Variants in ME1 observed in about 807,000 individuals in gnomAD.
ME1 encodes the protein malic enzyme 1.
A neutral mutation model predicts 66.4 loss-of-function variants in ME1; 74 were observed. That is an observed-to-expected ratio of 1.11 (90% confidence interval 0.92 to 1.35). ME1 has a LOEUF of 1.35. Among genes scored for constraint, ME1 ranks in the 40% most tolerant of loss-of-function variants. The pLI, the probability that ME1 is intolerant of heterozygous loss-of-function variation, is 0.00. For synonymous variants in ME1, 251 were observed against 235.6 expected (o/e 1.07, Z -0.60); for missense variants, 750 against 694.1 (o/e 1.08, Z -0.90).
intron 7 of ME1, among the ~76,000 whole-genome samples, chr6:83,245,609 T>C (rs755678134): frequency 4.6e-5 from 7 of 152,150 alleles, no homozygotes; most frequent in African/African-American, 7.2e-5. Flanking sequence ...GGTTTCTCCA[T>C]GTTGGTCAGG....
intron 3 of ME1, among the ~76,000 whole-genome samples, chr6:83,363,250 G>C (rs1195507881): frequency 6.6e-6 from 1 of 152,154 alleles, no homozygotes; most frequent in Admixed American, 6.5e-5. Context: ...GCCACCAGGA[G>C]ACACAACAAC....
At chr6:83,255,482 T>G (rs1766748990) in intron 6 of ME1, among the ~76,000 whole-genome samples, 3 of 151,984 alleles carry the variant, frequency 2.0e-5, no homozygotes, top group Admixed American at 2.0e-4. Flanking sequence ...CTTACAACAG[T>G]CTCCTCTACA....
intron 5 of ME1, among the ~76,000 whole-genome samples, chr6:83,330,458 G>T (rs1480611203): frequency 1.3e-5 from 2 of 152,152 alleles, no homozygotes; most frequent in African/African-American, 4.8e-5. Flanking sequence ...AAATAAAAAT[G>T]ATTAAAATTT....
At chr6:83,331,692 C>T (rs1217760016) in intron 5 of ME1, among the ~76,000 whole-genome samples, 1 of 151,816 alleles carries the variant, frequency 6.6e-6, no homozygotes, top group African/African-American at 2.4e-5. Context: ...AGGACACAAA[C>T]CACAGAAGAA....
intron 3 of ME1, among the ~76,000 whole-genome samples, chr6:83,380,808 A>G (rs1252590935): frequency 6.6e-6 from 1 of 152,120 alleles, no homozygotes; most frequent in Non-Finnish European, 1.5e-5. Flanking sequence ...TGACTTGGAA[A>G]TTCTCCAATT....
At chr6:83,321,234 G>C (rs1461288276) in intron 5 of ME1, among the ~76,000 whole-genome samples, 1 of 152,122 alleles carries the variant, frequency 6.6e-6, no homozygotes, top group Non-Finnish European at 1.5e-5. Flanking sequence ...GTGGTCATTT[G>C]GGCAGACACC....
intron 6 of ME1, among the ~76,000 whole-genome samples, chr6:83,264,937 A>G (rs1766961711): frequency 6.6e-6 from 1 of 152,224 alleles, no homozygotes; most frequent in Non-Finnish European, 1.5e-5. Context: ...ATTGACTCCA[A>G]TATTGAAAGA....
At chr6:83,221,268 G>A (rs1244171674) in intron 12 of ME1, among the ~76,000 whole-genome samples, 1 of 152,212 alleles carries the variant, frequency 6.6e-6, no homozygotes, top group Non-Finnish European at 1.5e-5. Flanking sequence ...ATGTCAAAGT[G>A]TGTAATAAAG....
chr6:83,237,863 T>C, intron 8 of ME1, 33 bp from the exon 9 acceptor site: 1 of 1,169,052 alleles, frequency 8.6e-7, no homozygotes, highest in Non-Finnish European at 1.2e-6. Context: ...TTTAAAGTTG[T>C]TCTACATGAT....
At chr6:83,252,166 T>A (rs1003911022) in intron 7 of ME1, among the ~76,000 whole-genome samples, 1 of 152,196 alleles carries the variant, frequency 6.6e-6, no homozygotes, top group Admixed American at 6.5e-5. Context: ...AGGAGAACAC[T>A]GGAAGAAGGT....
At chr6:83,282,586 C>T (rs1374265793) in intron 6 of ME1, among the ~76,000 whole-genome samples, 2 of 152,082 alleles carry the variant, frequency 1.3e-5, no homozygotes, top group South Asian at 2.1e-4. Flanking sequence ...GTTAGAATGG[C>T]GATCATTAAA....
At chr6:83,408,000 T>C in intron 1 of ME1, 99 bp from the exon 2 acceptor site, 1 of 1,376,836 alleles carries the variant, frequency 7.3e-7, no homozygotes, top group Non-Finnish European at 9.5e-7. Context: ...CAATTAAAAA[T>C]CCGAAGTCTG....
chr6:83,281,842 AAAAC>A (rs1767299112), intron 6 of ME1, among the ~76,000 whole-genome samples: 2 of 140,220 alleles, frequency 1.4e-5, no homozygotes, highest in Non-Finnish European at 1.6e-5. Context: ...AAAAGAAAAG[AAAAC>A]AAAAAAGAGA....
At chr6:83,352,326 G>C (rs1047592980) in intron 3 of ME1, among the ~76,000 whole-genome samples, 187 bp from the exon 4 acceptor site, 2 of 151,822 alleles carry the variant, frequency 1.3e-5, no homozygotes, top group African/African-American at 4.8e-5. Flanking sequence ...GAAATTACTT[G>C]AAATAATATA....
intron 9 of ME1, among the ~76,000 whole-genome samples, chr6:83,230,821 T>A (rs1277959395): frequency 6.6e-6 from 1 of 151,942 alleles, no homozygotes; most frequent in Non-Finnish European, 1.5e-5. Context: ...TAGTCCCAGC[T>A]ACTCAGGAGG....
At chr6:83,405,290 T>C (rs936223676) in intron 2 of ME1, among the ~76,000 whole-genome samples, 1 of 152,216 alleles carries the variant, frequency 6.6e-6, no homozygotes, top group African/African-American at 2.4e-5. Flanking sequence ...AGTTCATTCA[T>C]GATTTGGCTC....
chr6:83,360,615 C>T (rs1768990993), intron 3 of ME1, among the ~76,000 whole-genome samples: 2 of 152,212 alleles, frequency 1.3e-5, no homozygotes, highest in African/African-American at 4.8e-5. Context: ...ACCATTAGAG[C>T]TGCCTCTACC....
chr6:83,218,930 T>A (rs1026698788), intron 12 of ME1, among the ~76,000 whole-genome samples: 1 of 152,226 alleles, frequency 6.6e-6, no homozygotes, highest in Non-Finnish European at 1.5e-5. Flanking sequence ...TTGAATTGGA[T>A]ATAACATTTT....
intron 6 of ME1, among the ~76,000 whole-genome samples, chr6:83,254,945 A>C (rs1173258383): frequency 6.6e-6 from 1 of 152,160 alleles, no homozygotes; most frequent in Non-Finnish European, 1.5e-5. Context: ...ACTTCTTGTC[A>C]ACATTATAAT....
Sources: allele counts gnomAD v4.1 joint callset (sites outside exome capture counted in the v4.1 genomes callset), GRCh38; gene constraint gnomAD v4.1.1; transcripts MANE v1.5; gene names NCBI Gene and HGNC (gene_info 2026-07-23, HGNC 2026-07-21).